The following ALOX5 variants were observed in gnomAD, a reference collection of about 807,000 sequenced individuals.
The protein encoded by ALOX5 is polyunsaturated fatty acid 5-lipoxygenase.
ALOX5 carries 64 observed loss-of-function variants against 87.9 expected under a neutral mutation model. The observed-to-expected ratio is 0.73, with a 90% CI of 0.60 to 0.90. ALOX5 has a LOEUF of 0.90. ALOX5 is among the 40% of genes least tolerant of loss of function. The pLI, the probability that ALOX5 is intolerant of heterozygous loss-of-function variation, is 0.00. For missense variants in ALOX5, 822 were observed against 907.5 expected, an observed-to-expected ratio of 0.91 and a Z score of 1.21; for synonymous variants, 388 against 355.1, an observed-to-expected ratio of 1.09 and a Z score of -1.04.
In ALOX5 at chr10:45,415,082, C is replaced by T. The variant is rs189518433; in HGVS notation, c.554+2769C>T. Among the ~76,000 whole-genome samples, 585 of 152,206 alleles carry T rather than the reference C, an allele frequency of 3.8e-3. 6 individuals are homozygous for T. The highest frequency in any genetic ancestry group is 6.8e-3 in the Middle Eastern group (2 of 294). ...CCATTTGACCCAGCCATCCCATTAT[C>T]GGGTATATACCCAAAGGATTATAAA... On this transcript the variant is annotated intron_variant, in intron 4 of 13. Coordinates refer to ENST00000374391, the MANE Select transcript of ALOX5 (RefSeq NM_000698.5).
chr10:45,435,262 G>T (rs1231333485), intron 7 of ALOX5, among the ~76,000 whole-genome samples: 1 of 146,030 alleles, frequency 6.8e-6, no homozygotes, highest in Non-Finnish European at 1.5e-5. Context: ...GGTCAGAACA[G>T]TTTTTTTTTT....
chr10:45,421,792 C>G (rs147928935), intron 4 of ALOX5, among the ~76,000 whole-genome samples: 2 of 152,216 alleles, frequency 1.3e-5, no homozygotes, highest in Non-Finnish European at 2.9e-5. Flanking sequence ...TGGTATTATT[C>G]GACAGCTCCA....
At chr10:45,418,013 C>T (rs899184486) in intron 4 of ALOX5, among the ~76,000 whole-genome samples, 3 of 152,218 alleles carry the variant, frequency 2.0e-5, no homozygotes, top group Non-Finnish European at 4.4e-5. Context: ...TGTCATTAGC[C>T]CCTTGAGTGA....
At chr10:45,397,601 T>C (rs560191824) in intron 3 of ALOX5, among the ~76,000 whole-genome samples, 1 of 152,224 alleles carries the variant, frequency 6.6e-6, no homozygotes, top group East Asian at 1.9e-4. Flanking sequence ...ATCTTATATA[T>C]AGAAAATCTG....
chr10:45,412,805 T>G (rs1229384561), intron 4 of ALOX5, among the ~76,000 whole-genome samples: 1 of 152,208 alleles, frequency 6.6e-6, no homozygotes, highest in African/African-American at 2.4e-5. Flanking sequence ...GGAGGTTGAC[T>G]ACCTTCCTTG....
chr10:45,445,917 C>A lies in ALOX5; in HGVS notation c.*230C>A. 2.2e-6 allele frequency: 1 copy of A among 453,452 alleles called. No homozygotes were observed. The highest frequency in any genetic ancestry group is 3.8e-5 in the Admixed American group (1 of 26,312). 28.1% of individuals were successfully genotyped at this position (453,452 alleles called of 1,614,324 possible). ...GGACTGCACAGCGTCCTGTCCACAC[C>A]CAGCTCAGCATTTCCACACCAAGCA... On this transcript the variant is annotated 3_prime_UTR_variant, in exon 14 of 14. Coordinates refer to ENST00000374391, the MANE Select transcript of ALOX5 (RefSeq NM_000698.5).
At chr10:45,417,910 C>T (rs867731001) in intron 4 of ALOX5, among the ~76,000 whole-genome samples, 1 of 152,162 alleles carries the variant, frequency 6.6e-6, no homozygotes, top group Non-Finnish European at 1.5e-5. Flanking sequence ...AAGCCTCTGG[C>T]CCCAGTGAGG....
intron 2 of ALOX5, among the ~76,000 whole-genome samples, chr10:45,390,251 A>G (rs1251951292): frequency 4.6e-5 from 7 of 152,222 alleles, no homozygotes; most frequent in Non-Finnish European, 1.0e-4. Flanking sequence ...GAGAGACTTT[A>G]ACACCCCACT....
intron 7 of ALOX5, 46 bp downstream of exon 7, chr10:45,428,810 CG>C (rs750470697): frequency 6.2e-7 from 1 of 1,604,034 alleles, no homozygotes; most frequent in Non-Finnish European, 8.5e-7. Flanking sequence ...CAGTCCTCTG[CG>C]ATCCAGGGCT....
rs79615212 is a variant in ALOX5 at position 45,379,356 on chromosome 10, G to A, written c.151-3127G>A. 9.3e-3 allele frequency among the ~76,000 whole-genome samples: 1,419 copies of A among 152,272 alleles called. 10 individuals carry two copies. The highest frequency in any genetic ancestry group is 0.014 in the Non-Finnish European group (974 of 68,018). ...GCAGCCACACTCAGACCAGGCCCGG[G>A]CCTCTGGTGGCCGCCCCTCAGTCCT... On this transcript the variant is annotated intron_variant, in intron 1 of 13. Coordinates refer to ENST00000374391, the MANE Select transcript of ALOX5 (RefSeq NM_000698.5).
chr10:45,382,952 T>C (rs1468467651), intron 2 of ALOX5, among the ~76,000 whole-genome samples: 1 of 152,260 alleles, frequency 6.6e-6, no homozygotes, highest in African/African-American at 2.4e-5. Context: ...TGTGCCCCTC[T>C]TTTTGTCAGT....
intron 2 of ALOX5, among the ~76,000 whole-genome samples, chr10:45,389,021 A>G (rs188233691): frequency 5.9e-5 from 9 of 152,262 alleles, no homozygotes; most frequent in South Asian, 2.1e-4. Flanking sequence ...GCTGAAAAAC[A>G]TGGCACGAGA....
rs1461945517 is a variant in ALOX5 at position 45,412,309 on chromosome 10, A to G, written c.550A>G (p.Lys184Glu). 2 of 1,614,168 alleles carry G rather than the reference A, an allele frequency of 1.2e-6. No individual in the cohort carries two copies. The highest frequency in any genetic ancestry group is 8.5e-7 in the Non-Finnish European group (1 of 1,180,018). The change falls in exon 4 of 14, where the codon AAA becomes GAA. Residue 184 changes from lysine to glutamate, a missense_variant. Coordinates refer to ENST00000374391, the MANE Select transcript of ALOX5 (RefSeq NM_000698.5). ...KGVDFVLNYS[K>E]AMENLFINRF... ...AGTGGACTTTGTTCTGAATTACTCC[A>G]AAGCGTAAGTTTACGAGAACTGAGG...
chr10:45,402,765 C>G (rs1048005908), intron 3 of ALOX5, among the ~76,000 whole-genome samples: 2 of 152,242 alleles, frequency 1.3e-5, no homozygotes, highest in African/African-American at 4.8e-5. Context: ...GAGTGATTGA[C>G]GAGAATTATT....
intron 3 of ALOX5, among the ~76,000 whole-genome samples, chr10:45,397,103 C>T (rs1840536305): frequency 6.6e-6 from 1 of 152,158 alleles, no homozygotes; most frequent in Non-Finnish European, 1.5e-5. Flanking sequence ...CACAATTAGG[C>T]TGGGCGTGGT....
chr10:45,386,622 A>T (rs988763954), intron 2 of ALOX5, among the ~76,000 whole-genome samples: 3 of 152,016 alleles, frequency 2.0e-5, no homozygotes, highest in African/African-American at 7.2e-5. Context: ...TTGGGTTTTT[A>T]AAATTTCATT....
intron 3 of ALOX5, among the ~76,000 whole-genome samples, chr10:45,398,283 G>A (rs1359410440): frequency 1.3e-5 from 2 of 152,170 alleles, no homozygotes; most frequent in Non-Finnish European, 2.9e-5. Context: ...AGCAAAACTG[G>A]ATAGCCACAT....
chr10:45,407,083 C>G (rs1840911189), intron 3 of ALOX5, among the ~76,000 whole-genome samples: 1 of 152,180 alleles, frequency 6.6e-6, no homozygotes, highest in African/African-American at 2.4e-5. Context: ...TGAGTCTGTG[C>G]TTGTCGTCCT....
Position 45,443,505 on chromosome 10 carries a change from A to C in ALOX5, c.1541A>C (p.Tyr514Ser), listed in dbSNP as rs753067717. The change falls in exon 11 of 14, where the codon TAC (tyrosine) becomes TCC (serine). Residue 514 changes from tyrosine (Y) to serine (S), a missense_variant. Transcript: ENST00000374391. ...CTGCAGGACTTCGTGAACGATGTCT[A>C]CGTGTACGGCATGCGGGGCCGCAAG... ...PELQDFVNDVYVYGMRGRKSS... is the reference protein window; with the variant it reads ...PELQDFVNDVSVYGMRGRKSS... The C allele has an allele frequency of 1.2e-6, 2 of 1,613,030 alleles. No homozygotes were observed. The highest frequency in any genetic ancestry group is 2.2e-5 in the South Asian group (2 of 91,080).
Sources: allele counts gnomAD v4.1 joint callset (sites outside exome capture counted in the v4.1 genomes callset), GRCh38; gene constraint gnomAD v4.1.1; transcripts MANE v1.5; gene names NCBI Gene and HGNC (gene_info 2026-07-23, HGNC 2026-07-21).